HS6ST3: variants seen among roughly 807,000 people sequenced by gnomAD.
The protein encoded by HS6ST3 is heparan sulfate 6-O-sulfotransferase 3.
In HS6ST3, 12 loss-of-function variants were observed where a neutral mutation model predicts 36.7. That is an observed-to-expected ratio of 0.33 (90% confidence interval 0.21 to 0.53). The LOEUF is 0.53. Ranked by LOEUF, HS6ST3 falls within the 20% of genes least tolerant of loss-of-function variation. The pLI is 0.95. For synonymous variants in HS6ST3, 240 were observed against 257.5 expected, an observed-to-expected ratio of 0.93 and a Z score of 0.65; for missense variants, 584 against 640.9, an observed-to-expected ratio of 0.91 and a Z score of 0.96.
intron 1 of HS6ST3, among the ~76,000 whole-genome samples, chr13:96,352,464 T>C (rs545408017): frequency 6.6e-6 from 1 of 152,324 alleles, no homozygotes; most frequent in South Asian, 2.1e-4. Flanking sequence ...CTTTACAGCA[T>C]GGCAGCTGGC....
chr13:96,808,679 G>A (rs1374409200), intron 1 of HS6ST3, among the ~76,000 whole-genome samples: 1 of 152,184 alleles, frequency 6.6e-6, no homozygotes, highest in East Asian at 1.9e-4. Context: ...TGAAAGCATG[G>A]ATTTGGGAAT....
At chr13:96,132,748 A>G (rs188488702) in intron 1 of HS6ST3, among the ~76,000 whole-genome samples, 1 of 152,256 alleles carries the variant, frequency 6.6e-6, no homozygotes, top group East Asian at 1.9e-4. Flanking sequence ...AATAGTGTAC[A>G]GGTGTCCCTT....
At chr13:96,380,952 A>G (rs78493529) in intron 1 of HS6ST3, among the ~76,000 whole-genome samples, 79 of 152,370 alleles carry the variant, frequency 5.2e-4, no homozygotes, top group Middle Eastern at 3.4e-3. Flanking sequence ...GATGTTCAGA[A>G]GATAGATGGA....
chr13:96,270,334 A>G (rs1044305943), intron 1 of HS6ST3, among the ~76,000 whole-genome samples: 1 of 151,966 alleles, frequency 6.6e-6, no homozygotes, highest in Non-Finnish European at 1.5e-5. Flanking sequence ...TAAGCCATCC[A>G]GTCTATGGGA....
At chr13:96,759,732 T>C (rs2138498891) in intron 1 of HS6ST3, among the ~76,000 whole-genome samples, 1 of 152,154 alleles carries the variant, frequency 6.6e-6, no homozygotes, top group African/African-American at 2.4e-5. Context: ...TTAGCTCATA[T>C]TTGATTGAAT....
chr13:96,592,313 C>T (rs775132445), intron 1 of HS6ST3, among the ~76,000 whole-genome samples: 4 of 152,144 alleles, frequency 2.6e-5, no homozygotes, highest in African/African-American at 4.8e-5. Context: ...TTCATCCCTT[C>T]TCTTGCTTTT....
chr13:96,200,507 G>A (rs9302095), intron 1 of HS6ST3, among the ~76,000 whole-genome samples: 88,082 of 151,892 alleles, frequency 0.58, 25,719 homozygotes, highest in Admixed American at 0.67. Flanking sequence ...GCATACCTTG[G>A]CTATACTATC....
intron 1 of HS6ST3, among the ~76,000 whole-genome samples, chr13:96,625,915 A>G (rs1431547770): frequency 6.6e-6 from 1 of 150,736 alleles, no homozygotes; most frequent in Non-Finnish European, 1.5e-5. Flanking sequence ...ATCTCGGCTC[A>G]CTGCAAGCTC....
chr13:96,111,021 C>T (rs1027040181), intron 1 of HS6ST3, among the ~76,000 whole-genome samples: 3 of 151,914 alleles, frequency 2.0e-5, no homozygotes, highest in African/African-American at 7.3e-5. Context: ...AAAGATATAC[C>T]ATAGGTGATT....
chr13:96,755,838 C>T (rs913854318), intron 1 of HS6ST3, among the ~76,000 whole-genome samples: 9 of 152,172 alleles, frequency 5.9e-5, no homozygotes, highest in Admixed American at 3.9e-4. Context: ...TTTCATTTCC[C>T]ATTGGCTAAT....
intron 1 of HS6ST3, among the ~76,000 whole-genome samples, chr13:96,809,370 T>C (rs1017395928): frequency 3.3e-5 from 5 of 152,250 alleles, no homozygotes; most frequent in African/African-American, 1.2e-4. Context: ...ATGAATGTTA[T>C]AGGGGCATTT....
At chr13:96,581,821 G>T in intron 1 of HS6ST3, among the ~76,000 whole-genome samples, 1 of 151,988 alleles carries the variant, frequency 6.6e-6, no homozygotes, top group East Asian at 1.9e-4. Flanking sequence ...GGGGAGCAGG[G>T]AAAAAAAGGA....
chr13:96,408,854 G>A (rs1266635799), intron 1 of HS6ST3, among the ~76,000 whole-genome samples: 1 of 152,130 alleles, frequency 6.6e-6, no homozygotes, highest in African/African-American at 2.4e-5. Flanking sequence ...AACCTGGGAA[G>A]TGGAGGTTGC....
At chr13:96,583,877 G>T in intron 1 of HS6ST3, among the ~76,000 whole-genome samples, 1 of 152,076 alleles carries the variant, frequency 6.6e-6, no homozygotes, top group Non-Finnish European at 1.5e-5. Context: ...AATTCTTTGT[G>T]GTTGGCTGTC....
At chr13:96,110,964 C>T (rs975588030) in intron 1 of HS6ST3, among the ~76,000 whole-genome samples, 2 of 152,048 alleles carry the variant, frequency 1.3e-5, no homozygotes, top group Non-Finnish European at 2.9e-5. Context: ...CCATTTGTGT[C>T]CTGATGTGTC....
At chr13:96,474,116 A>AT (rs5805973) in intron 1 of HS6ST3, among the ~76,000 whole-genome samples, 54,641 of 151,800 alleles carry the variant, frequency 0.36, 12,119 homozygotes, top group African/African-American at 0.62. Flanking sequence ...TGCTTCATTG[A>AT]TTTTTGCTGG....
chr13:96,106,882 A>C (rs1413192181), intron 1 of HS6ST3, among the ~76,000 whole-genome samples: 1 of 152,214 alleles, frequency 6.6e-6, no homozygotes, highest in African/African-American at 2.4e-5. Flanking sequence ...CTAGGGAAGT[A>C]AGTTGTCTGG....
At chr13:96,329,509 T>C (rs542558540) in intron 1 of HS6ST3, among the ~76,000 whole-genome samples, 2 of 148,446 alleles carry the variant, frequency 1.3e-5, no homozygotes, top group East Asian at 2.0e-4. Flanking sequence ...AGATTCTTAA[T>C]CCTAAGTTCT....
At position 96,489,195 on chromosome 13, in the gene HS6ST3, A is replaced by G. The variant is rs192605999; in HGVS notation, c.708-343295A>G. Among the ~76,000 whole-genome samples the G allele has an allele frequency of 4.0e-3, 603 of 152,174 alleles. 4 individuals are homozygous for G. Among genetic ancestry groups the G allele is most frequent in the African/African-American group, 9.3e-3 (385 of 41,568 alleles). On this transcript the variant is annotated intron_variant, in intron 1 of 1. Transcript: ENST00000376705. The stretch of plus-strand genomic sequence containing the variant: ...TTTTCATCCCTCCAAAAAGCATTTA[A>G]GGTTATAATTTAACATTATATTTTT...
Sources: allele counts gnomAD v4.1 joint callset (sites outside exome capture counted in the v4.1 genomes callset), GRCh38; gene constraint gnomAD v4.1.1; transcripts MANE v1.5; gene names NCBI Gene and HGNC (gene_info 2026-07-23, HGNC 2026-07-21).